GABRB1: variants seen among roughly 807,000 people sequenced by gnomAD.
The protein encoded by GABRB1 is gamma-aminobutyric acid type A receptor subunit beta1, also known as gamma-aminobutyric acid receptor subunit beta-1.
In GABRB1, 17 loss-of-function variants were observed where a neutral mutation model predicts 51.6. The ratio of observed to expected loss-of-function variants is 0.33; its 90% CI spans 0.23 to 0.49. GABRB1 has a LOEUF of 0.49. Among genes scored for constraint, GABRB1 ranks in the 20% least tolerant of loss-of-function variants. The pLI is 0.99. For missense variants in GABRB1, 410 were observed against 600.6 expected (o/e 0.68, Z 3.32); for synonymous variants, 247 against 218.9 (o/e 1.13, Z -1.14).
chr4:47,239,587 T>A (rs1421620108), intron 4 of GABRB1, among the ~76,000 whole-genome samples: 1 of 152,212 alleles, frequency 6.6e-6, no homozygotes. Flanking sequence ...AGTTTGCAAC[T>A]GCTACGAGAA....
intron 5 of GABRB1, among the ~76,000 whole-genome samples, chr4:47,332,294 C>T (rs1226968661): frequency 6.6e-6 from 1 of 152,208 alleles, no homozygotes; most frequent in Non-Finnish European, 1.5e-5. Flanking sequence ...GGTGCTGGGC[C>T]TGACAACAAT....
intron 8 of GABRB1, among the ~76,000 whole-genome samples, chr4:47,409,873 A>G (rs1187212835): frequency 1.3e-5 from 2 of 152,244 alleles, no homozygotes; most frequent in East Asian, 3.8e-4. Flanking sequence ...TTTTAAGATG[A>G]TAAAGATTGA....
chr4:47,222,268 A>C (rs942495256), intron 4 of GABRB1, among the ~76,000 whole-genome samples: 2 of 152,246 alleles, frequency 1.3e-5, no homozygotes, highest in South Asian at 4.1e-4. Context: ...GCAAGTAGGC[A>C]AATTAGTAAA....
At chr4:47,213,437 ACTCT>A (rs796437600) in intron 4 of GABRB1, among the ~76,000 whole-genome samples, 77 of 130,324 alleles carry the variant, frequency 5.9e-4, no homozygotes, top group East Asian at 9.1e-4. Context: ...TCTCTCTCTC[ACTCT>A]CTCTCTCTCT....
At chr4:47,029,392 TA>T (rs529062247), upstream of GABRB1, among the ~76,000 whole-genome samples, 84 of 152,110 alleles carry the variant, frequency 5.5e-4, no homozygotes, top group African/African-American at 2.0e-3. Context: ...TGCAATTCCT[TA>T]TTTAGAGTGG....
chr4:47,367,303 G>A (rs1243703979), intron 5 of GABRB1, among the ~76,000 whole-genome samples: 4 of 152,136 alleles, frequency 2.6e-5, no homozygotes, highest in Non-Finnish European at 5.9e-5. Flanking sequence ...TCCCTGCTTA[G>A]ACTGTAAGCA....
Position 47,426,194 on chromosome 4 carries a change from C to CAA in GABRB1, c.*185_*186dup, listed in dbSNP as rs111359296. On this transcript the variant is annotated 3_prime_UTR_variant, in exon 9 of 9. Coordinates refer to ENST00000295454, the MANE Select transcript of GABRB1 (RefSeq NM_000812.4). ...CCATGTTTACTTCAAAAAGACAAAACAAAAAAAAAATTATTTTTCCAGTCT... is the reference window on the plus strand; with the variant it reads ...CCATGTTTACTTCAAAAAGACAAAACAAAAAAAAAAAATTATTTTTCCAGTCT... 11 of 454,148 alleles carry CAA rather than the reference C, an allele frequency of 2.4e-5. No homozygotes were observed. Among genetic ancestry groups the CAA allele is most frequent in the South Asian group, 4.8e-5 (1 of 20,814 alleles). The allele number at this position is 454,148 out of a possible 1,614,324, so 28.1% of individuals were successfully genotyped here. A position where few individuals can be genotyped will look rare whatever the true frequency, so the allele number is the denominator to read the frequency against.
chr4:47,380,690 G>A (rs557410984), intron 5 of GABRB1, among the ~76,000 whole-genome samples: 1 of 152,232 alleles, frequency 6.6e-6, no homozygotes, highest in Admixed American at 6.5e-5. Flanking sequence ...TGTTTCATGG[G>A]AATTTAACTG....
intron 5 of GABRB1, among the ~76,000 whole-genome samples, chr4:47,329,457 C>CAT (rs1725385548): frequency 6.7e-6 from 1 of 148,410 alleles, no homozygotes; most frequent in African/African-American, 2.5e-5. Flanking sequence ...ATAGCACATA[C>CAT]ATATATATGG....
chr4:47,294,875 C>T (rs1285467980), intron 4 of GABRB1, among the ~76,000 whole-genome samples: 1 of 152,182 alleles, frequency 6.6e-6, no homozygotes, highest in Non-Finnish European at 1.5e-5. Context: ...GGCAGACTGA[C>T]ACCTCACACG....
intron 4 of GABRB1, among the ~76,000 whole-genome samples, chr4:47,315,848 G>A (rs987676646): frequency 6.6e-6 from 1 of 151,536 alleles, no homozygotes; most frequent in Non-Finnish European, 1.5e-5. Context: ...AATATATATG[G>A]ACACAAAGAA....
intron 5 of GABRB1, among the ~76,000 whole-genome samples, chr4:47,391,733 G>C (rs892768806): frequency 2.0e-5 from 3 of 152,144 alleles, no homozygotes; most frequent in Non-Finnish European, 2.9e-5. Flanking sequence ...CCCTCTATCA[G>C]ATTACCAGTT....
chr4:47,156,659 TA>T lies in GABRB1; in HGVS notation c.241-4582del, dbSNP rs11404833. ...TATACCTTTAATCATCTCTAGATTT[TA>T]AAAAAAACATATATATGTTGTTTTG... On this transcript the variant is annotated intron_variant, in intron 3 of 8. Transcript: ENST00000295454. 4.1e-4 allele frequency among the ~76,000 whole-genome samples: 62 copies of T among 151,710 alleles called. 1 individual carries two copies. The highest frequency in any genetic ancestry group is 1.5e-3 in the African/African-American group (61 of 41,328).
chr4:47,009,844 A>G (rs1196728445), intron 1 of GABRB1, among the ~76,000 whole-genome samples: 2 of 152,248 alleles, frequency 1.3e-5, no homozygotes, highest in Non-Finnish European at 2.9e-5. Flanking sequence ...GAACGGAAAT[A>G]AATAAAACCA....
At chr4:47,089,727 T>C (rs904060943) in intron 3 of GABRB1, among the ~76,000 whole-genome samples, 3 of 152,150 alleles carry the variant, frequency 2.0e-5, no homozygotes, top group Non-Finnish European at 4.4e-5. Context: ...TTATGATTAG[T>C]TTTGTCTGGT....
intron 3 of GABRB1, among the ~76,000 whole-genome samples, chr4:47,134,196 T>C (rs748950959): frequency 4.6e-5 from 7 of 152,190 alleles, no homozygotes; most frequent in Non-Finnish European, 1.0e-4. Context: ...TTGTCTCTAG[T>C]TGTACTCCAC....
chr4:47,188,388 T>C (rs1475263959), intron 4 of GABRB1, among the ~76,000 whole-genome samples: 1 of 151,976 alleles, frequency 6.6e-6, no homozygotes, highest in Non-Finnish European at 1.5e-5. Flanking sequence ...TTGATAACCA[T>C]TTTATTCACC....
chr4:47,001,345 T>C (rs942140205), intron 1 of GABRB1, among the ~76,000 whole-genome samples: 51 of 152,158 alleles, frequency 3.4e-4, no homozygotes, highest in African/African-American at 9.9e-4. Context: ...GGTTTCACCG[T>C]GTTAGCCAGG....
intron 3 of GABRB1, among the ~76,000 whole-genome samples, chr4:47,137,829 C>A (rs1311444726): frequency 6.6e-6 from 1 of 152,004 alleles, no homozygotes; most frequent in Non-Finnish European, 1.5e-5. Context: ...CTTTAGGGAA[C>A]TTTTTAAGCA....
Sources: gnomAD v4.1 joint callset for allele counts (sites outside exome capture counted in the v4.1 genomes callset) on GRCh38, gnomAD v4.1.1 for gene constraint, MANE v1.5 for transcripts, NCBI Gene and HGNC (gene_info 2026-07-23, HGNC 2026-07-21) for gene names.